The following SLC37A2 variants were observed in gnomAD, a reference collection of about 807,000 sequenced individuals.
The protein encoded by SLC37A2 is glucose-6-phosphate exchanger SLC37A2.
SLC37A2 carries 59 observed loss-of-function variants against 70.7 expected under a neutral mutation model. The observed-to-expected ratio is 0.83, with a 90% CI of 0.68 to 1.04. The LOEUF is 1.04. Ranked by LOEUF, SLC37A2 falls within the 50% of genes least tolerant of loss-of-function variation. The pLI, the probability that SLC37A2 is intolerant of heterozygous loss-of-function variation, is 0.00. For missense variants in SLC37A2, 580 were observed against 658.1 expected, an observed-to-expected ratio of 0.88 and a Z score of 1.30; for synonymous variants, 257 against 262.1, an observed-to-expected ratio of 0.98 and a Z score of 0.19.
intron 4 of SLC37A2, among the ~76,000 whole-genome samples, chr11:125,078,599 G>T (rs1949114222): frequency 6.6e-6 from 1 of 152,172 alleles, no homozygotes; most frequent in Admixed American, 6.5e-5. Context: ...GTGCCCAAGG[G>T]GTGGCATTCA....
chr11:125,084,525 G>T (rs1949183352), intron 12 of SLC37A2, among the ~76,000 whole-genome samples: 1 of 152,240 alleles, frequency 6.6e-6, no homozygotes, highest in South Asian at 2.1e-4. Flanking sequence ...TTTAGAGGGG[G>T]ATTCATGACT....
chr11:125,075,562 A>G (rs1170332577), intron 1 of SLC37A2, among the ~76,000 whole-genome samples: 1 of 152,220 alleles, frequency 6.6e-6, no homozygotes, highest in Non-Finnish European at 1.5e-5. Flanking sequence ...AAAGCGTTTT[A>G]GCAGAGCTGT....
In SLC37A2 at chr11:125,077,491, G is replaced by A. The variant is rs745618379; in HGVS notation, c.277G>A (p.Ala93Thr). ...GGAGTTACTAGGGGGCGTGGACAAC[G>A]CCTTCCTCATCGCCTATGCCATCGG... ...YKELLGGVDN[A>T]FLIAYAIGMF... is the part of the protein sequence containing the mutation. The change falls in exon 4 of 18, where the codon GCC (alanine) becomes ACC (threonine). Residue 93 changes from alanine to threonine, a missense_variant. Physicochemically the swap from Ala to Thr is moderately conservative, Grantham distance 58. Coordinates refer to ENST00000403796, the MANE Select transcript of SLC37A2 (RefSeq NM_001145290.2). 3.7e-6 allele frequency: 6 copies of A among 1,613,832 alleles called. No homozygotes were observed. The highest frequency in any genetic ancestry group is 1.1e-5 in the South Asian group (1 of 91,072).
rs200128594 is a variant in SLC37A2, at chr11:125,080,793, C to T, written c.694+13C>T. On this transcript the variant is annotated intron_variant, in intron 7 of 17. Coordinates refer to ENST00000403796, the MANE Select transcript of SLC37A2 (RefSeq NM_001145290.2). This position sits in a 1 kb window ranked among gnomAD's most constrained non-coding sequence, Gnocchi z 4.3. ...TTCCTCATCGAACGTGAGTGGGCCC[C>T]TCACTCCCCACAAGTGAGCCTAGAA... 4.6e-4 allele frequency: 665 copies of T among 1,444,038 alleles called. No homozygotes were observed. Among genetic ancestry groups the T allele is most frequent in the Non-Finnish European group, 5.7e-4 (619 of 1,089,016 alleles). The allele number at this position is 1,444,038 out of a possible 1,614,324, so 89.5% of individuals were successfully genotyped here. A position where few individuals can be genotyped will look rare whatever the true frequency, so the allele number is the denominator to read the frequency against.
chr11:125,067,799 C>G (rs1190809603), intron 1 of SLC37A2, among the ~76,000 whole-genome samples: 5 of 152,174 alleles, frequency 3.3e-5, no homozygotes, highest in Admixed American at 3.3e-4. Flanking sequence ...TGTATCCATT[C>G]AGATTTGACC....
chr11:125,077,328 G>A lies in SLC37A2; in HGVS notation c.235+5G>A, dbSNP rs1244423736. 17 of 1,599,824 alleles carry A rather than the reference G, an allele frequency of 1.1e-5. No individual in the cohort carries two copies. Among genetic ancestry groups the A allele is most frequent in the Non-Finnish European group, 1.4e-5 (17 of 1,173,266 alleles). On this transcript the variant is annotated splice_donor_5th_base_variant and intron_variant, in intron 3 of 17. Coordinates refer to ENST00000403796, the MANE Select transcript of SLC37A2 (RefSeq NM_001145290.2). ...GGTGCAGCTGGGCCCCATTTGGTAA[G>A]AACAGGGCAAGTTGCTCTTCCCATT...
At chr11:125,079,818 T>A in intron 6 of SLC37A2, 58 bp downstream of exon 6, 1 of 1,294,976 alleles carries the variant, frequency 7.7e-7, no homozygotes, top group Non-Finnish European at 1.1e-6. Flanking sequence ...GGTCCTGAGC[T>A]GGTCACCGTG....
chr11:125,071,239 C>T (rs976876924), intron 1 of SLC37A2, among the ~76,000 whole-genome samples: 3 of 152,188 alleles, frequency 2.0e-5, no homozygotes, highest in East Asian at 1.9e-4. Context: ...CCTCCTCCCC[C>T]TCTAAGCAGG....
At chr11:125,070,316 G>A (rs1488482531) in intron 1 of SLC37A2, among the ~76,000 whole-genome samples, 3 of 152,218 alleles carry the variant, frequency 2.0e-5, no homozygotes, top group South Asian at 2.1e-4. Flanking sequence ...CTCTGAGGAG[G>A]ACGCAGGGGA....
intron 17 of SLC37A2, chr11:125,086,357 TTTC>T: frequency 3.1e-6 from 3 of 978,746 alleles, no homozygotes; most frequent in Admixed American, 3.4e-5. Flanking sequence ...CAACTTTCTC[TTTC>T]TTCTTGTGGG....
chr11:125,088,109 C>G lies in SLC37A2; in HGVS notation c.1491-10C>G. The G allele has an allele frequency of 6.4e-7, 1 of 1,551,948 alleles. No homozygotes were observed. Among genetic ancestry groups the G allele is most frequent in the South Asian group, 1.2e-5 (1 of 84,058 alleles). ...CTTTCTCTTCTGTCCCCCCTCTCCTCTTCATGCAGGTATAAAGAAATATGA... is the reference window on the plus strand; with the variant it reads ...CTTTCTCTTCTGTCCCCCCTCTCCTGTTCATGCAGGTATAAAGAAATATGA... On this transcript the variant is annotated splice_polypyrimidine_tract_variant and intron_variant, in intron 17 of 17. Coordinates refer to ENST00000403796, the MANE Select transcript of SLC37A2 (RefSeq NM_001145290.2).
intron 12 of SLC37A2, 96 bp from the exon 13 acceptor site, chr11:125,084,728 TG>T: frequency 7.8e-7 from 1 of 1,278,506 alleles, no homozygotes; most frequent in Non-Finnish European, 1.1e-6. Context: ...GGATGCCCTC[TG>T]GGGTTTCAGG....
At chr11:125,078,578 G>T (rs1292445576) in intron 4 of SLC37A2, among the ~76,000 whole-genome samples, 1 of 152,196 alleles carries the variant, frequency 6.6e-6, no homozygotes, top group Non-Finnish European at 1.5e-5. Flanking sequence ...GGAGCTCTGA[G>T]CCTGGCTTGA....
intron 1 of SLC37A2, among the ~76,000 whole-genome samples, chr11:125,072,619 G>A (rs569032778): frequency 6.6e-6 from 1 of 152,178 alleles, no homozygotes; most frequent in African/African-American, 2.4e-5. Flanking sequence ...CTTGATTCAC[G>A]AGGGAAGGAC....
At chr11:125,075,406 C>G (rs946072302) in intron 1 of SLC37A2, among the ~76,000 whole-genome samples, 2 of 152,236 alleles carry the variant, frequency 1.3e-5, no homozygotes, top group African/African-American at 4.8e-5. Context: ...CCCCAGCTTC[C>G]CTAGACAACT....
intron 10 of SLC37A2, among the ~76,000 whole-genome samples, chr11:125,082,768 G>A (rs753993010): frequency 1.3e-4 from 20 of 152,126 alleles, no homozygotes; most frequent in Non-Finnish European, 2.4e-4. Context: ...TTGTAGCCTG[G>A]TGGTGACCCT....
At chr11:125,065,664 G>A (rs1270899369) in intron 1 of SLC37A2, among the ~76,000 whole-genome samples, 1 of 152,070 alleles carries the variant, frequency 6.6e-6, no homozygotes, top group Non-Finnish European at 1.5e-5. Flanking sequence ...GAGGAGGCTG[G>A]TTGTATCTGA....
chr11:125,081,975 G>A (rs1040173192), intron 9 of SLC37A2, 69 bp downstream of exon 9: 2 of 1,495,864 alleles, frequency 1.3e-6, no homozygotes, highest in Non-Finnish European at 1.8e-6. Flanking sequence ...ATGAGGAGAT[G>A]GGGTGCTTGG....
Position 125,080,839 on chromosome 11 carries a change from G to GGCA in SLC37A2, c.694+62_694+64dup, listed in dbSNP as rs1293194275. 9 of 1,327,938 alleles carry GGCA rather than the reference G, an allele frequency of 6.8e-6. No homozygotes were observed. The African/African-American group carries it at 1.4e-4, about 20-fold the overall frequency. The allele number at this position is 1,327,938 out of a possible 1,614,324, so 82.3% of individuals were successfully genotyped here. A position where few individuals can be genotyped will look rare whatever the true frequency, so the allele number is the denominator to read the frequency against. On this transcript the variant is annotated intron_variant, in intron 7 of 17. Coordinates refer to ENST00000403796, the MANE Select transcript of SLC37A2 (RefSeq NM_001145290.2). This position sits in a 1 kb window ranked among gnomAD's most constrained non-coding sequence, Gnocchi z 4.3. ...TAGAAGTTCTCGGTTTCTGGGAGAA[G>GGCA]GCAGCTGGATCTACTGGAAAGATTG...
Sources: gnomAD v4.1 joint callset for allele counts (sites outside exome capture counted in the v4.1 genomes callset) on GRCh38, gnomAD v4.1.1 for gene constraint, Gnocchi (gnomAD v3.1) non-coding constraint, MANE v1.5 for transcripts, NCBI Gene and HGNC (gene_info 2026-07-23, HGNC 2026-07-21) for gene names.